HIVEP2: variants seen among roughly 807,000 people sequenced by gnomAD.
The protein encoded by HIVEP2 is HIVEP zinc finger 2.
Under a neutral mutation model 180.7 loss-of-function variants are expected in HIVEP2, and 14 were observed. The observed-to-expected ratio is 0.08, with a 90% CI of 0.05 to 0.12. The LOEUF (loss-of-function observed/expected upper bound fraction) is 0.12, where lower values mean the gene tolerates loss of function less well. HIVEP2 is among the 10% of genes least tolerant of loss of function. The pLI is 1.00. For missense variants in HIVEP2, 2,579 were observed against 3,008.5 expected (o/e 0.86, Z 3.34); for synonymous variants, 1,184 against 1,136.4 (o/e 1.04, Z -0.84).
chr6:142,913,407 C>T (rs1777467478), intron 1 of HIVEP2, among the ~76,000 whole-genome samples: 1 of 152,210 alleles, frequency 6.6e-6, no homozygotes, highest in Non-Finnish European at 1.5e-5. Context: ...GGCACACTGG[C>T]TGTCCCCATG....
rs115581356 is a variant in HIVEP2, at chr6:142,929,521, C to T, written c.-641+15578G>A. Among the ~76,000 whole-genome samples the T allele has an allele frequency of 7.1e-3, 1,086 of 152,152 alleles. 13 individuals are homozygous for T. Among genetic ancestry groups the T allele is most frequent in the African/African-American group, 0.025 (1,023 of 41,488 alleles). On this transcript the variant is annotated intron_variant, in intron 1 of 9. Coordinates refer to ENST00000367603, the MANE Select transcript of HIVEP2 (RefSeq NM_006734.4). Reference sequence around the variant, plus strand: ...TATTTTCAAATGCACCTCTTTTACACCATGAAAGAGAAGAAATAACTGTGA... The same window carrying T: ...TATTTTCAAATGCACCTCTTTTACATCATGAAAGAGAAGAAATAACTGTGA...
intron 1 of HIVEP2, among the ~76,000 whole-genome samples, chr6:142,859,237 C>G (rs1775905781): frequency 6.6e-6 from 1 of 151,964 alleles, no homozygotes; most frequent in East Asian, 1.9e-4. Context: ...AAGACTTACT[C>G]TGGGAGGATC....
chr6:142,803,598 A>ACAC (rs1252252380), intron 2 of HIVEP2, among the ~76,000 whole-genome samples: 5 of 41,822 alleles, frequency 1.2e-4, no homozygotes, highest in African/African-American at 3.1e-4. Context: ...CACACACACA[A>ACAC]AACTCAGGAC....
chr6:142,904,429 G>C (rs1017502913), intron 1 of HIVEP2, among the ~76,000 whole-genome samples: 9 of 152,120 alleles, frequency 5.9e-5, no homozygotes, highest in Admixed American at 5.9e-4. Context: ...TGTTGTTCAT[G>C]TTGAACAACA....
rs530056302 is a variant in HIVEP2 at position 142,781,063 on chromosome 6, C to T, written c.-433+2458G>A. ...ACATTATTACAAGTCATTAAATGTA[C>T]CATTGTATCTACCTGCAATTTTAGT... On this transcript the variant is annotated intron_variant, in intron 3 of 9. Coordinates refer to ENST00000367603, the MANE Select transcript of HIVEP2 (RefSeq NM_006734.4). 1.5e-3 allele frequency among the ~76,000 whole-genome samples: 235 copies of T among 152,230 alleles called. 2 individuals carry two copies. Among genetic ancestry groups the T allele is most frequent in the African/African-American group, 5.1e-3 (213 of 41,518 alleles).
At chr6:142,900,204 G>A (rs1345686951) in intron 1 of HIVEP2, among the ~76,000 whole-genome samples, 14 of 152,192 alleles carry the variant, frequency 9.2e-5, no homozygotes, top group East Asian at 1.9e-4. Flanking sequence ...GGACAGGAAC[G>A]TGGGCAAATC....
At chr6:142,805,449 T>C (rs1021342964) in intron 2 of HIVEP2, among the ~76,000 whole-genome samples, 1 of 142,812 alleles carries the variant, frequency 7.0e-6, no homozygotes. Flanking sequence ...CTATCCCAAC[T>C]TGGGAACCTT....
chr6:142,912,099 T>A (rs914138742), intron 1 of HIVEP2, among the ~76,000 whole-genome samples: 4 of 152,246 alleles, frequency 2.6e-5, no homozygotes, highest in African/African-American at 9.6e-5. Context: ...ACTAGCCATA[T>A]GTGGCTGCTT....
intron 1 of HIVEP2, among the ~76,000 whole-genome samples, chr6:142,881,324 A>G (rs1451329757): frequency 6.6e-6 from 1 of 152,216 alleles, no homozygotes; most frequent in African/African-American, 2.4e-5. Flanking sequence ...CATCATGTCA[A>G]TAATTTTTAA....
intron 7 of HIVEP2, among the ~76,000 whole-genome samples, chr6:142,762,789 C>T (rs1775283263): frequency 6.6e-6 from 1 of 152,194 alleles, no homozygotes; most frequent in Non-Finnish European, 1.5e-5. Context: ...ACTCATATTG[C>T]TTTATTATTT....
chr6:142,821,213 T>C (rs1287214997), intron 2 of HIVEP2, among the ~76,000 whole-genome samples: 1 of 151,584 alleles, frequency 6.6e-6, no homozygotes, highest in Non-Finnish European at 1.5e-5. Context: ...CCAAATGACA[T>C]AGTACCTTTC....
chr6:142,871,597 T>C (rs198673), intron 1 of HIVEP2, among the ~76,000 whole-genome samples: 95,877 of 151,478 alleles, frequency 0.63, 30,801 homozygotes, highest in African/African-American at 0.68. Context: ...ATGGAGTACA[T>C]TGTGTGAATA....
chr6:142,856,460 C>T (rs1340308239), intron 1 of HIVEP2, among the ~76,000 whole-genome samples: 1 of 152,176 alleles, frequency 6.6e-6, no homozygotes, highest in Non-Finnish European at 1.5e-5. Flanking sequence ...CTAACATGAC[C>T]GATGTGCTAC....
At chr6:142,880,136 C>T (rs9390026) in intron 1 of HIVEP2, among the ~76,000 whole-genome samples, 36,216 of 151,988 alleles carry the variant, frequency 0.24, 4,826 homozygotes, top group East Asian at 0.35. Flanking sequence ...ATTATTCATT[C>T]GTCCCCAAAG....
intron 1 of HIVEP2, among the ~76,000 whole-genome samples, chr6:142,873,813 T>G (rs922862920): frequency 5.3e-5 from 8 of 152,188 alleles, no homozygotes; most frequent in African/African-American, 1.9e-4. Context: ...AGGTGTTCCC[T>G]AGCTCCTGAA....
chr6:142,810,411 C>A (rs1221554330), intron 2 of HIVEP2, among the ~76,000 whole-genome samples: 2 of 152,010 alleles, frequency 1.3e-5, no homozygotes, highest in African/African-American at 4.8e-5. Context: ...GAAACTCAAT[C>A]CAACAGGCAA....
At chr6:142,825,711 G>A (rs1465534717) in intron 2 of HIVEP2, among the ~76,000 whole-genome samples, 2 of 152,134 alleles carry the variant, frequency 1.3e-5, no homozygotes, top group African/African-American at 4.8e-5. Flanking sequence ...GCATCTCAGA[G>A]AGTGTGACTA....
At chr6:142,818,727 A>AG in intron 2 of HIVEP2, among the ~76,000 whole-genome samples, 1 of 129,404 alleles carries the variant, frequency 7.7e-6, no homozygotes, top group African/African-American at 3.0e-5. Flanking sequence ...AAGAAAAGAA[A>AG]GAAAGAAAAG....
intron 2 of HIVEP2, among the ~76,000 whole-genome samples, chr6:142,814,864 G>C (rs1171231120): frequency 6.6e-6 from 1 of 152,092 alleles, no homozygotes; most frequent in Non-Finnish European, 1.5e-5. Flanking sequence ...AGTAACAAGG[G>C]AAATGAGAAA....
Sources: gnomAD v4.1 joint callset for allele counts (sites outside exome capture counted in the v4.1 genomes callset) on GRCh38, gnomAD v4.1.1 for gene constraint, MANE v1.5 for transcripts, NCBI Gene and HGNC (gene_info 2026-07-23, HGNC 2026-07-21) for gene names.